Variants in ZNF438 observed in about 807,000 individuals in gnomAD.
ZNF438 encodes the protein zinc finger protein 438.
A neutral mutation model predicts 38.0 loss-of-function variants in ZNF438; 25 were observed. The ratio of observed to expected loss-of-function variants is 0.66; its 90% confidence interval spans 0.48 to 0.92. The LOEUF (loss-of-function observed/expected upper bound fraction) is 0.92. Among genes scored for constraint, ZNF438 ranks in the 40% least tolerant of loss-of-function variants. The pLI, the probability that ZNF438 is intolerant of heterozygous loss-of-function variation, is 0.00. For synonymous variants in ZNF438, 372 were observed against 364.1 expected, an observed-to-expected ratio of 1.02 and a Z score of -0.25; for missense variants, 1,007 against 999.6, an observed-to-expected ratio of 1.01 and a Z score of -0.10.
At chr10:31,000,673 T>C (rs2054558823) in intron 1 of ZNF438, among the ~76,000 whole-genome samples, 1 of 152,076 alleles carries the variant, frequency 6.6e-6, no homozygotes, top group Non-Finnish European at 1.5e-5. Flanking sequence ...AGAGGGCATA[T>C]GGTTGGCTGG....
chr10:30,949,392 A>C (rs2047876051), intron 1 of ZNF438, among the ~76,000 whole-genome samples: 1 of 152,236 alleles, frequency 6.6e-6, no homozygotes, highest in East Asian at 1.9e-4. Flanking sequence ...TCAAATTCAC[A>C]TGTAACAATA....
chr10:30,874,454 A>T (rs1244445143), intron 4 of ZNF438, among the ~76,000 whole-genome samples: 1 of 151,956 alleles, frequency 6.6e-6, no homozygotes, highest in Non-Finnish European at 1.5e-5. Flanking sequence ...CTAGCCATAA[A>T]TTATATTTGA....
chr10:31,014,860 GTATATATA>G (rs3054683), intron 1 of ZNF438, among the ~76,000 whole-genome samples: 18 of 149,566 alleles, frequency 1.2e-4, no homozygotes, highest in South Asian at 2.1e-4. Flanking sequence ...GTGTGTGTGT[GTATATATA>G]TATATATATA....
At chr10:30,884,759 G>T (rs2039727805) in intron 3 of ZNF438, among the ~76,000 whole-genome samples, 1 of 152,144 alleles carries the variant, frequency 6.6e-6, no homozygotes, top group African/African-American at 2.4e-5. Flanking sequence ...TAGGTGAATT[G>T]GTTACTTGAC....
rs1347808181 is a variant in ZNF438, at chr10:31,002,247, A to G, written c.-192+29586T>C. ...TCTTTGATTACCAGTGACGGTAAAC[A>G]TAATCCCACCTTTTTATTAATCATT... On this transcript the variant is annotated intron_variant, in intron 1 of 5. Coordinates refer to ENST00000413025, the Ensembl canonical transcript of ZNF438. Among the ~76,000 whole-genome samples the G allele has an allele frequency of 7.2e-5, 11 of 152,358 alleles. No homozygotes were observed. In the East Asian group the frequency reaches 1.5e-3, roughly 21 times the overall value.
At chr10:30,956,196 G>A (rs977000886) in intron 1 of ZNF438, among the ~76,000 whole-genome samples, 1 of 152,016 alleles carries the variant, frequency 6.6e-6, no homozygotes, top group Non-Finnish European at 1.5e-5. Context: ...GACCCTTTAT[G>A]GTACTCTACA....
At chr10:30,996,965 G>C (rs890884441) in intron 1 of ZNF438, among the ~76,000 whole-genome samples, 2 of 152,034 alleles carry the variant, frequency 1.3e-5, no homozygotes, top group African/African-American at 4.8e-5. Context: ...AGAAATCAGA[G>C]AGAAAATTAG....
chr10:30,987,305 G>A (rs1402556601), intron 1 of ZNF438, among the ~76,000 whole-genome samples: 1 of 133,490 alleles, frequency 7.5e-6, no homozygotes, highest in African/African-American at 2.8e-5. Flanking sequence ...GGGCAACAGA[G>A]TACACCCCTG....
intron 1 of ZNF438, among the ~76,000 whole-genome samples, chr10:30,967,025 C>T (rs2050197301): frequency 6.6e-6 from 1 of 152,184 alleles, no homozygotes. Context: ...AAGAGATGTG[C>T]TATAAGCAGT....
At chr10:30,850,154 T>C (rs781211860) in exon 5 of ZNF438, 2 of 1,614,148 alleles carry the variant, frequency 1.2e-6, no homozygotes, top group East Asian at 4.5e-5. Flanking sequence ...GCCAGCAACC[T>C]GCATCAGGGC....
chr10:30,984,371 A>T (rs1442551767), intron 1 of ZNF438: 1 of 152,156 alleles, frequency 6.6e-6, no homozygotes, highest in Non-Finnish European at 1.5e-5. Flanking sequence ...TCACTTACCT[A>T]TATCCCAAGG....
chr10:30,986,894 T>G (rs1292029026), intron 1 of ZNF438, among the ~76,000 whole-genome samples: 1 of 152,210 alleles, frequency 6.6e-6, no homozygotes, highest in Non-Finnish European at 1.5e-5. Flanking sequence ...CAATTCTATT[T>G]GTTTTTACAG....
intron 1 of ZNF438, among the ~76,000 whole-genome samples, chr10:31,026,774 A>G (rs1447024187): frequency 1.3e-5 from 2 of 152,148 alleles, no homozygotes; most frequent in Non-Finnish European, 2.9e-5. Context: ...TCATGCTGCC[A>G]TAAAGAGACA....
chr10:30,967,910 T>C (rs571767949), intron 1 of ZNF438, among the ~76,000 whole-genome samples: 1 of 152,258 alleles, frequency 6.6e-6, no homozygotes, highest in Admixed American at 6.5e-5. Flanking sequence ...CATAGCTCTG[T>C]ACCCCCTCCC....
intron 1 of ZNF438, among the ~76,000 whole-genome samples, chr10:31,007,742 A>T (rs1011876347): frequency 2.0e-5 from 3 of 152,240 alleles, no homozygotes; most frequent in African/African-American, 7.2e-5. Context: ...GGAAGCATTT[A>T]AATAGCTATT....
intron 1 of ZNF438, among the ~76,000 whole-genome samples, chr10:30,955,769 C>T (rs181809735): frequency 3.9e-4 from 60 of 152,260 alleles, no homozygotes; most frequent in Middle Eastern, 6.8e-3. Flanking sequence ...AATATTGGGG[C>T]ATTTTATTAG....
At chr10:30,991,157 G>A (rs1219005432) in intron 1 of ZNF438, among the ~76,000 whole-genome samples, 2 of 152,094 alleles carry the variant, frequency 1.3e-5, no homozygotes, top group African/African-American at 2.4e-5. Context: ...TTACTTACTC[G>A]AGAGCTCTAG....
intron 3 of ZNF438, among the ~76,000 whole-genome samples, chr10:30,901,950 T>C (rs540085016): frequency 6.6e-6 from 1 of 152,212 alleles, no homozygotes; most frequent in Admixed American, 6.5e-5. Context: ...AGGTGGCGCG[T>C]CTGGAGTTGT....
intron 1 of ZNF438, among the ~76,000 whole-genome samples, chr10:30,953,073 T>TA (rs1354332667): frequency 9.7e-5 from 13 of 133,364 alleles, no homozygotes; most frequent in Non-Finnish European, 1.8e-4. Context: ...TATGCAGCCA[T>TA]AAAAAATGAT....
Sources: allele counts gnomAD v4.1 joint callset (sites outside exome capture counted in the v4.1 genomes callset), GRCh38; gene constraint gnomAD v4.1.1; transcripts MANE v1.5; gene names NCBI Gene and HGNC (gene_info 2026-07-23, HGNC 2026-07-21).